The following UNC45A variants were observed in gnomAD, a reference collection of about 807,000 sequenced individuals.
UNC45A encodes the protein unc-45 myosin chaperone A.
In UNC45A, 78 loss-of-function variants were observed where a neutral mutation model predicts 103.2. That is an observed-to-expected ratio of 0.76 (90% CI 0.63 to 0.91). The LOEUF (loss-of-function observed/expected upper bound fraction) is 0.91, where lower values mean the gene tolerates loss of function less well. Among genes scored for constraint, UNC45A ranks in the 40% least tolerant of loss-of-function variants. The pLI, the probability that UNC45A is intolerant of heterozygous loss-of-function variation, is 0.00. For synonymous variants in UNC45A, 495 were observed against 504.6 expected (o/e 0.98, Z 0.25); for missense variants, 1,193 against 1,224.8 (o/e 0.97, Z 0.39).
chr15:90,935,831 A>G (rs891457823), intron 2 of UNC45A, 115 bp from the exon 3 acceptor site: 7 of 1,557,174 alleles, frequency 4.5e-6, no homozygotes, highest in Non-Finnish European at 5.2e-6. Flanking sequence ...TGTTTTTTGC[A>G]CCTCAGGGTG....
intron 9 of UNC45A, among the ~76,000 whole-genome samples, chr15:90,945,604 G>A (rs1370598517): frequency 2.7e-5 from 4 of 149,958 alleles, no homozygotes; most frequent in African/African-American, 4.9e-5. Flanking sequence ...CAGGTGATCC[G>A]CCTGCCTTGG....
In UNC45A at chr15:90,936,142, C is replaced by T. The variant is rs2036004798; in HGVS notation, c.251-143C>T. On this transcript the variant is annotated intron_variant, in intron 3 of 19. Coordinates refer to ENST00000418476, the MANE Select transcript of UNC45A (RefSeq NM_018671.5). ...GGGCCTTTCCTTTTCTGCAGCTACCCTCACCTTTTCTGAGGCTGAAGCACC... is the reference window on the plus strand; with the variant it reads ...GGGCCTTTCCTTTTCTGCAGCTACCTTCACCTTTTCTGAGGCTGAAGCACC... 3 of 1,499,810 alleles carry T rather than the reference C, an allele frequency of 2.0e-6. No individual in the cohort carries two copies. The Admixed American group carries it at 7.4e-5, about 37-fold the overall frequency. The allele number at this position is 1,499,810 out of a possible 1,614,324, so 92.9% of individuals were successfully genotyped here.
intron 6 of UNC45A, among the ~76,000 whole-genome samples, chr15:90,942,143 G>A (rs1166008201): frequency 6.6e-6 from 1 of 152,000 alleles, no homozygotes; most frequent in Admixed American, 6.6e-5. Flanking sequence ...TTTTTCTTGG[G>A]GAGGCATGAG....
chr15:90,950,689 T>G (rs1036819389), intron 17 of UNC45A, 74 bp downstream of exon 17: 1 of 1,442,688 alleles, frequency 6.9e-7, no homozygotes, highest in Non-Finnish European at 9.6e-7. Context: ...AGTTTACACA[T>G]TGGGAAACAC....
intron 1 of UNC45A, 61 bp downstream of exon 1, chr15:90,935,436 C>T (rs1047530139): frequency 3.1e-5 from 49 of 1,578,854 alleles, no homozygotes; most frequent in African/African-American, 5.4e-5. Flanking sequence ...CCCTGGCCTC[C>T]TTCTCCCCAT....
intron 17 of UNC45A, among the ~76,000 whole-genome samples, chr15:90,952,041 C>T (rs1326384358): frequency 2.6e-5 from 4 of 152,156 alleles, no homozygotes; most frequent in Admixed American, 2.6e-4. Flanking sequence ...TTTCCTAGGC[C>T]TGGTTAGAAG....
chr15:90,947,528 A>G (rs1319290834), intron 10 of UNC45A: 2 of 503,564 alleles, frequency 4.0e-6, no homozygotes, highest in African/African-American at 3.8e-5. Flanking sequence ...AGCCATTCTC[A>G]GTGTGGCCTG....
At chr15:90,942,354 T>C in intron 6 of UNC45A, 83 bp from the exon 7 acceptor site, 2 of 1,486,612 alleles carry the variant, frequency 1.3e-6, no homozygotes, top group Non-Finnish European at 1.8e-6. Flanking sequence ...CTTCTGGCCG[T>C]ATCCTCTAAC....
chr15:90,940,483 G>A lies in UNC45A; in HGVS notation c.687+10G>A. On this transcript the variant is annotated intron_variant, in intron 6 of 19. Coordinates refer to ENST00000418476, the MANE Select transcript of UNC45A (RefSeq NM_018671.5). ...TGAGCATCAGTCACGGGTAGGTGGAGTGGAGAGGCTGGTTACAGCTTCAGT... is the reference window on the plus strand; with the variant it reads ...TGAGCATCAGTCACGGGTAGGTGGAATGGAGAGGCTGGTTACAGCTTCAGT... 6.2e-7 allele frequency: 1 copy of A among 1,607,188 alleles called. No homozygotes were observed. The highest frequency in any genetic ancestry group is 8.5e-7 in the Non-Finnish European group (1 of 1,175,288).
intron 2 of UNC45A, 78 bp from the exon 3 acceptor site, chr15:90,935,868 C>CGA: frequency 6.2e-7 from 1 of 1,603,644 alleles, no homozygotes; most frequent in Non-Finnish European, 8.5e-7. Context: ...CCTTGGAGAG[C>CGA]GAGAGTACCC....
At chr15:90,948,360 T>G (rs1567159358) in intron 12 of UNC45A, 77 bp downstream of exon 12, 2 of 1,582,016 alleles carry the variant, frequency 1.3e-6, no homozygotes, top group Non-Finnish European at 1.7e-6. Context: ...CGGCAGGGCT[T>G]GGCCAATGGG....
At position 90,949,313 on chromosome 15, in the gene UNC45A, C is replaced by A. The variant is rs945837764; in HGVS notation, c.1879-3C>A. On this transcript the variant is annotated splice_polypyrimidine_tract_variant and splice_region_variant and intron_variant, in intron 13 of 19. Transcript: ENST00000418476. ...CCCTCTCCTAAGCTGCCTCCTCCCCCAGGACAAGCCAAGCTTCGTGCGGGC... is the reference window on the plus strand; with the variant it reads ...CCCTCTCCTAAGCTGCCTCCTCCCCAAGGACAAGCCAAGCTTCGTGCGGGC... 2 of 1,610,940 alleles carry A rather than the reference C, an allele frequency of 1.2e-6. No homozygotes were observed. The highest frequency in any genetic ancestry group is 2.7e-5 in the African/African-American group (2 of 74,918).
At chr15:90,946,971 G>A (rs746834099) in intron 10 of UNC45A, 57 bp downstream of exon 10, 44 of 1,557,382 alleles carry the variant, frequency 2.8e-5, no homozygotes, top group Middle Eastern at 1.9e-4. Context: ...TCCTGGTCCA[G>A]CCGGTGTTGC....
intron 7 of UNC45A, 62 bp from the exon 8 acceptor site, chr15:90,942,850 T>C: frequency 6.5e-7 from 1 of 1,543,448 alleles, no homozygotes; most frequent in Non-Finnish European, 8.7e-7. Flanking sequence ...GTTGGAGAAG[T>C]TGAAGGGTCA....
chr15:90,935,853 G>C, intron 2 of UNC45A, 93 bp from the exon 3 acceptor site: 1 of 1,592,886 alleles, frequency 6.3e-7, no homozygotes, highest in Non-Finnish European at 8.6e-7. Context: ...TGGGGGATCG[G>C]GTGACCTTGG....
intron 9 of UNC45A, 149 bp from the exon 10 acceptor site, chr15:90,946,465 A>G (rs2036574102): frequency 4.6e-6 from 4 of 862,764 alleles, no homozygotes; most frequent in Non-Finnish European, 5.2e-6. Flanking sequence ...ATTATTGTCC[A>G]GGTGGAAACG....
chr15:90,952,787 C>G, intron 17 of UNC45A, 142 bp from the exon 18 acceptor site: 1 of 695,814 alleles, frequency 1.4e-6, no homozygotes, highest in Non-Finnish European at 2.4e-6. Flanking sequence ...AGGATAGCAC[C>G]AAGCCATGAG....
At position 90,953,795 on chromosome 15, in the gene UNC45A, C is replaced by A; in HGVS notation, c.*79C>A. ...AGAGTAAGGACGGAAGCAGCTTTGGCTGGTGGTGGCTGGCATGCCCAATAC... is the reference window on the plus strand; with the variant it reads ...AGAGTAAGGACGGAAGCAGCTTTGGATGGTGGTGGCTGGCATGCCCAATAC... On this transcript the variant is annotated 3_prime_UTR_variant, in exon 20 of 20. Transcript: ENST00000418476. 6.5e-7 allele frequency: 1 copy of A among 1,528,774 alleles called. No individual in the cohort carries two copies. The highest frequency in any genetic ancestry group is 2.0e-5 in the Admixed American group (1 of 50,536). 94.7% of individuals were successfully genotyped at this position (1,528,774 alleles called of 1,614,324 possible).
rs2036599918 is a variant in UNC45A, at chr15:90,946,868, T to C, written c.1454T>C (p.Leu485Pro). The change falls in exon 10 of 20, where the codon CTA becomes CCA. Residue 485 changes from leucine to proline, a missense_variant. Leu to Pro is a moderately conservative substitution (Grantham distance 98). Transcript: ENST00000418476. The part of the protein sequence containing the change: ...TANGVSLLKD[L>P]YKCSEKDSIR... The stretch of plus-strand genomic sequence containing the variant: ...AATGGTGTCTCGCTGCTGAAGGACC[T>C]ATATAAGTGCAGCGAGAAGGACAGC... 6.2e-7 allele frequency: 1 copy of C among 1,610,946 alleles called. No individual in the cohort carries two copies. The highest frequency in any genetic ancestry group is 8.5e-7 in the Non-Finnish European group (1 of 1,178,024).
Sources: gnomAD v4.1 joint callset for allele counts (sites outside exome capture counted in the v4.1 genomes callset) on GRCh38, gnomAD v4.1.1 for gene constraint, MANE v1.5 for transcripts, NCBI Gene and HGNC (gene_info 2026-07-23, HGNC 2026-07-21) for gene names.